PRKG1: variants seen among roughly 807,000 people sequenced by gnomAD.
PRKG1 encodes protein kinase cGMP-dependent 1.
A neutral mutation model predicts 88.1 loss-of-function variants in PRKG1; 35 were observed. The ratio of observed to expected loss-of-function variants is 0.40; its 90% CI spans 0.30 to 0.53. PRKG1 has a LOEUF of 0.53. Among genes scored for constraint, PRKG1 ranks in the 20% least tolerant of loss-of-function variants. PRKG1 has a pLI of 0.59. For missense variants in PRKG1, 540 were observed against 839.8 expected (o/e 0.64, Z 4.41); for synonymous variants, 303 against 292.5 (o/e 1.04, Z -0.37).
chr10:51,901,588 T>C (rs1174994542), intron 4 of PRKG1, among the ~76,000 whole-genome samples: 2 of 152,232 alleles, frequency 1.3e-5, no homozygotes, highest in Non-Finnish European at 2.9e-5. Flanking sequence ...AACTGACCCG[T>C]AAGATGCTTG....
At chr10:51,710,019 G>A (rs913129652) in intron 3 of PRKG1, among the ~76,000 whole-genome samples, 2 of 152,186 alleles carry the variant, frequency 1.3e-5, no homozygotes, top group African/African-American at 4.8e-5. Context: ...TAAATACTGA[G>A]TATATACTCT....
At chr10:51,496,471 A>T (rs1840857778) in intron 3 of PRKG1, among the ~76,000 whole-genome samples, 1 of 152,184 alleles carries the variant, frequency 6.6e-6, no homozygotes, top group Non-Finnish European at 1.5e-5. Flanking sequence ...CTCACTTTCA[A>T]GTAGAGAATT....
intron 2 of PRKG1, among the ~76,000 whole-genome samples, chr10:51,440,281 C>T (rs1839063087): frequency 6.6e-6 from 1 of 151,782 alleles, no homozygotes; most frequent in Non-Finnish European, 1.5e-5. Context: ...CCCAAACTTA[C>T]AATGGCTTGA....
intron 7 of PRKG1, among the ~76,000 whole-genome samples, chr10:52,076,543 C>T (rs561440738): frequency 7.8e-4 from 119 of 152,226 alleles, no homozygotes; most frequent in African/African-American, 2.6e-3. Context: ...GGCAACAGAG[C>T]AAGACTCTGT....
intron 2 of PRKG1, among the ~76,000 whole-genome samples, chr10:51,292,464 A>T (rs552276942): frequency 6.6e-6 from 1 of 152,278 alleles, no homozygotes; most frequent in Admixed American, 6.6e-5. Context: ...AATTTGTTTA[A>T]CAGAACTATT....
chr10:51,426,554 A>G (rs1838591694), intron 2 of PRKG1, among the ~76,000 whole-genome samples: 1 of 152,222 alleles, frequency 6.6e-6, no homozygotes, highest in Admixed American at 6.5e-5. Flanking sequence ...ACTAAAATGG[A>G]TAGGTACTAA....
intron 3 of PRKG1, among the ~76,000 whole-genome samples, chr10:51,552,227 A>G (rs1301149029): frequency 6.6e-6 from 1 of 151,714 alleles, no homozygotes; most frequent in African/African-American, 2.4e-5. Flanking sequence ...CTCTAGCACC[A>G]CAATGTTTTC....
At chr10:51,541,899 C>T (rs1359483585) in intron 3 of PRKG1, among the ~76,000 whole-genome samples, 1 of 151,784 alleles carries the variant, frequency 6.6e-6, no homozygotes, top group Admixed American at 6.6e-5. Context: ...TAAGATAGAA[C>T]TTATTAATTT....
chr10:51,754,332 C>A (rs1837803138), intron 3 of PRKG1, among the ~76,000 whole-genome samples: 1 of 152,202 alleles, frequency 6.6e-6, no homozygotes, highest in Non-Finnish European at 1.5e-5. Flanking sequence ...TCTGGCAATA[C>A]AACTCCTCTG....
intron 3 of PRKG1, among the ~76,000 whole-genome samples, chr10:51,717,202 C>A (rs933677279): frequency 1.2e-4 from 18 of 152,206 alleles, no homozygotes; most frequent in Non-Finnish European, 2.5e-4. Context: ...AGATGGAAGA[C>A]AAATACCAGA....
At chr10:51,455,499 G>A (rs1021095174) in intron 2 of PRKG1, among the ~76,000 whole-genome samples, 1 of 152,088 alleles carries the variant, frequency 6.6e-6, no homozygotes, top group Non-Finnish European at 1.5e-5. Context: ...TTTTAAAACT[G>A]AATGCTTTTA....
Position 52,083,119 on chromosome 10 carries a change from CT to C in PRKG1, c.935+20495del, listed in dbSNP as rs890251803. Among the ~76,000 whole-genome samples, 131 of 152,068 alleles carry C rather than the reference CT, an allele frequency of 8.6e-4. 1 individual carries two copies. The highest frequency in any genetic ancestry group is 3.0e-3 in the African/African-American group (126 of 41,508). ...TGACAGGCACACTGTCATTTATTCTCTTTTTTTCTCTTTAGTGTTATATATG... is the reference window on the plus strand; with the variant it reads ...TGACAGGCACACTGTCATTTATTCTCTTTTTTCTCTTTAGTGTTATATATG... On this transcript the variant is annotated intron_variant, in intron 7 of 17. Coordinates refer to ENST00000373980, the MANE Select transcript of PRKG1 (RefSeq NM_006258.4).
chr10:51,083,904 G>T (rs1287699331), intron 1 of PRKG1, among the ~76,000 whole-genome samples: 2 of 152,124 alleles, frequency 1.3e-5, no homozygotes, highest in African/African-American at 4.8e-5. Flanking sequence ...ATTTACATTT[G>T]TAATTTAATC....
intron 2 of PRKG1, among the ~76,000 whole-genome samples, chr10:51,275,459 A>C (rs1020481470): frequency 2.6e-5 from 4 of 152,214 alleles, no homozygotes. Flanking sequence ...ATCATTTCAT[A>C]ATGTATTTCC....
At chr10:52,285,196 A>G (rs1842090195) in intron 14 of PRKG1, among the ~76,000 whole-genome samples, 1 of 151,970 alleles carries the variant, frequency 6.6e-6, no homozygotes, top group Non-Finnish European at 1.5e-5. Context: ...CTCCCCCACC[A>G]ACTTAGGAAA....
rs776631153 is a variant in PRKG1, at chr10:51,922,189, T to C, written c.762+14619T>C. 4.6e-5 allele frequency among the ~76,000 whole-genome samples: 7 copies of C among 151,458 alleles called. 1 individual carries two copies. Among genetic ancestry groups the C allele is most frequent in the Admixed American group, 1.3e-4 (2 of 15,068 alleles). ...TTTCTAAATTATAAACAATTTAGAGTTGTTTATAATTTTTTTTTATTTTTT... is the reference window on the plus strand; with the variant it reads ...TTTCTAAATTATAAACAATTTAGAGCTGTTTATAATTTTTTTTTATTTTTT... On this transcript the variant is annotated intron_variant, in intron 5 of 17. Coordinates refer to ENST00000373980, the MANE Select transcript of PRKG1 (RefSeq NM_006258.4).
chr10:51,440,888 A>G (rs1839085990), intron 2 of PRKG1, among the ~76,000 whole-genome samples: 1 of 151,996 alleles, frequency 6.6e-6, no homozygotes, highest in South Asian at 2.1e-4. Context: ...CAATTTTCTT[A>G]TCTTTATTTG....
intron 5 of PRKG1, among the ~76,000 whole-genome samples, chr10:51,946,352 T>C (rs1206703694): frequency 1.3e-5 from 2 of 152,048 alleles, no homozygotes; most frequent in Non-Finnish European, 2.9e-5. Context: ...ATTCTAGTTA[T>C]ACATTCGTCT....
rs1589163788 is a variant in PRKG1, at chr10:51,115,618, T to A, written c.312-37546T>A. Among the ~76,000 whole-genome samples the A allele has an allele frequency of 2.0e-5, 3 of 151,258 alleles. No individual in the cohort carries two copies. The South Asian group carries it at 6.3e-4, about 32-fold the overall frequency. ...ATTTTGGGAGGCCGAGGCGGGAGGATCACGAGGTCAAGAGATAGAGACCAT... is the reference window on the plus strand; with the variant it reads ...ATTTTGGGAGGCCGAGGCGGGAGGAACACGAGGTCAAGAGATAGAGACCAT... On this transcript the variant is annotated intron_variant, in intron 1 of 17. Transcript: ENST00000373980.
Sources: allele counts gnomAD v4.1 joint callset (sites outside exome capture counted in the v4.1 genomes callset), GRCh38; gene constraint gnomAD v4.1.1; transcripts MANE v1.5; gene names NCBI Gene and HGNC (gene_info 2026-07-23, HGNC 2026-07-21).